PLXDC1: variants seen among roughly 807,000 people sequenced by gnomAD.
PLXDC1 encodes the protein plexin domain containing 1, also known as plexin domain-containing protein 1.
PLXDC1 carries 39 observed loss-of-function variants against 61.3 expected under a neutral mutation model. That is an observed-to-expected ratio of 0.64 (90% CI 0.49 to 0.83). The LOEUF is 0.83. PLXDC1 is among the 40% of genes least tolerant of loss of function. PLXDC1 has a pLI of 0.00. For missense variants in PLXDC1, 596 were observed against 666.5 expected (o/e 0.89, Z 1.17); for synonymous variants, 212 against 254.5 (o/e 0.83, Z 1.59).
Position 39,109,244 on chromosome 17 carries a change from T to C in PLXDC1, c.399+4A>G, listed in dbSNP as rs1342718152. 1.2e-6 allele frequency: 2 copies of C among 1,602,432 alleles called. No homozygotes were observed. The highest frequency in any genetic ancestry group is 1.7e-4 in the Middle Eastern group (1 of 5,976). Reference sequence around the variant, plus strand: ...GAAGCATGGCTGGCGACTGGGGCACTCACCGAAGCCTGCCGGTGGGTGTTG... The same window carrying C: ...GAAGCATGGCTGGCGACTGGGGCACCCACCGAAGCCTGCCGGTGGGTGTTG... On this transcript the variant is annotated splice_donor_region_variant and intron_variant, in intron 3 of 13. Transcript: ENST00000315392.
intron 7 of PLXDC1, among the ~76,000 whole-genome samples, chr17:39,095,388 A>C (rs5820279): frequency 0.31 from 1,739 of 5,604 alleles, 173 homozygotes; most frequent in Non-Finnish European, 0.4. Flanking sequence ...CCAACCCCCC[A>C]AGCCTGGGTT....
At position 39,090,709 on chromosome 17, in the gene PLXDC1, T is replaced by A. The variant is rs376708140; in HGVS notation, c.812-3007A>T. ...GCCCTCGAAGCATGTGAGCCCCTTT[T>A]CTCTCTGCCCCGACTGCTTTTTTGC... On this transcript the variant is annotated intron_variant, in intron 7 of 13. Coordinates refer to ENST00000315392, the MANE Select transcript of PLXDC1 (RefSeq NM_020405.5). Among the ~76,000 whole-genome samples the A allele has an allele frequency of 8.9e-4, 136 of 152,304 alleles. 1 individual carries two copies. Among genetic ancestry groups the A allele is most frequent in the African/African-American group, 3.1e-3 (127 of 41,546 alleles).
At position 39,151,471 on chromosome 17, in the gene PLXDC1, C is replaced by T. The variant is rs987369689; in HGVS notation, c.-34G>A. On this transcript the variant is annotated 5_prime_UTR_variant, in exon 1 of 14. Coordinates refer to ENST00000315392, the MANE Select transcript of PLXDC1 (RefSeq NM_020405.5). This position sits in a 1 kb window ranked among gnomAD's most constrained non-coding sequence, Gnocchi z 5.2. ...CCCGGACCTGCCCCCGGCCTGCTTG[C>T]TGCCCCGGTCCTGACGAGGGAGGGG... The T allele has an allele frequency of 1.2e-5, 15 of 1,244,484 alleles. No individual in the cohort carries two copies. The highest frequency in any genetic ancestry group is 6.0e-6 in the Non-Finnish European group (6 of 993,794). The allele number at this position is 1,244,484 out of a possible 1,614,324, so 77.1% of individuals were successfully genotyped here.
At chr17:39,090,024 C>T (rs1400401978) in intron 7 of PLXDC1, among the ~76,000 whole-genome samples, 1 of 152,138 alleles carries the variant, frequency 6.6e-6, no homozygotes, top group Non-Finnish European at 1.5e-5. Flanking sequence ...GTCCCAAACT[C>T]CTGACCTCAG....
rs528450588 is a variant in PLXDC1, at chr17:39,122,917, C to T, written c.256-13526G>A. On this transcript the variant is annotated intron_variant, in intron 2 of 13. Transcript: ENST00000315392. ...ATACACAAATCACATCAAAGTAAAGCCACATTGGGAGAAGGACAGAGAAGG... is the reference window on the plus strand; with the variant it reads ...ATACACAAATCACATCAAAGTAAAGTCACATTGGGAGAAGGACAGAGAAGG... 2.6e-5 allele frequency among the ~76,000 whole-genome samples: 4 copies of T among 152,284 alleles called. No individual in the cohort carries two copies. In the South Asian group the frequency reaches 8.3e-4, roughly 32 times the overall value.
rs911483445 is a variant in PLXDC1, at chr17:39,063,544, A to G, written c.*4296T>C. 2 of 702,280 alleles carry G rather than the reference A, an allele frequency of 2.8e-6. No homozygotes were observed. The highest frequency in any genetic ancestry group is 5.2e-6 in the Non-Finnish European group (2 of 384,746). 43.5% of individuals were successfully genotyped at this position (702,280 alleles called of 1,614,324 possible). A position where few individuals can be genotyped will look rare whatever the true frequency, so the allele number is the denominator to read the frequency against. The stretch of plus-strand genomic sequence containing the variant: ...TCGGAGTTCAGCAGCCATCAGAACC[A>G]AGGTATGTGTGGTGATCTTCGGAAT... On this transcript the variant is annotated 3_prime_UTR_variant, in exon 14 of 14. Coordinates refer to ENST00000315392, the MANE Select transcript of PLXDC1 (RefSeq NM_020405.5).
chr17:39,083,524 C>T lies in PLXDC1; in HGVS notation c.924G>A (p.Arg308=), dbSNP rs779890248. 6.2e-7 allele frequency: 1 copy of T among 1,613,026 alleles called. No homozygotes were observed. Among genetic ancestry groups the T allele is most frequent in the Non-Finnish European group, 8.5e-7 (1 of 1,179,524 alleles). The change falls in exon 9 of 14, where the codon AGG becomes AGA. Residue 308 remains arginine, a synonymous_variant. Coordinates refer to ENST00000315392, the MANE Select transcript of PLXDC1 (RefSeq NM_020405.5). ...CTGAGGACATGCAGGCGTCACAGCT[C>T]CTATGCTGCAGGCAGGCTGCAAGAG... is the stretch of plus-strand genomic sequence containing the variant. ...FTPLPTCLQH[R]SCDACMSSDL...
chr17:39,069,128 A>T (rs943179642), intron 13 of PLXDC1, among the ~76,000 whole-genome samples: 2 of 152,102 alleles, frequency 1.3e-5, no homozygotes, highest in African/African-American at 4.8e-5. Context: ...TATTTTAGAG[A>T]TGGGGTCTCC....
intron 12 of PLXDC1, 145 bp downstream of exon 12, chr17:39,072,305 C>G: frequency 1.5e-6 from 1 of 675,410 alleles, no homozygotes; most frequent in Non-Finnish European, 2.7e-6. Context: ...TGCCTCCCCA[C>G]CCAGCAGGAG....
At chr17:39,143,296 C>T (rs1402782321) in intron 1 of PLXDC1, among the ~76,000 whole-genome samples, 1 of 152,162 alleles carries the variant, frequency 6.6e-6, no homozygotes, top group Non-Finnish European at 1.5e-5. Flanking sequence ...ACATTCCCCA[C>T]CTATGACCCT....
chr17:39,121,905 T>C (rs569940240), intron 2 of PLXDC1, among the ~76,000 whole-genome samples: 2 of 151,780 alleles, frequency 1.3e-5, no homozygotes, highest in African/African-American at 4.8e-5. Context: ...GAGACCAGCC[T>C]GGCCAACATG....
In PLXDC1 at chr17:39,109,287, C is replaced by T. The variant is rs868605101; in HGVS notation, c.360G>A (p.Lys120=). 3.1e-6 allele frequency: 5 copies of T among 1,613,058 alleles called. No homozygotes were observed. Among genetic ancestry groups the T allele is most frequent in the Non-Finnish European group, 4.2e-6 (5 of 1,179,820 alleles). The change falls in exon 3 of 14, where the codon AAG becomes AAA. Residue 120 remains lysine, a synonymous_variant. Transcript: ENST00000315392. ...DVAEANRSQV[K]IHTILSNTHR... ...GGGTGTTGGAGAGTATTGTGTGGAT[C>T]TTCACTTGGCTCCGGTTGGCCTCGG...
At chr17:39,116,559 A>C (rs1045481832) in intron 2 of PLXDC1, among the ~76,000 whole-genome samples, 1 of 152,204 alleles carries the variant, frequency 6.6e-6, no homozygotes, top group Non-Finnish European at 1.5e-5. Flanking sequence ...TCCTCTGGGA[A>C]TCCAAGCCCA....
In PLXDC1 at chr17:39,151,532, G is replaced by C. The variant is rs2045372669; in HGVS notation, c.-95C>G. 3.3e-6 allele frequency: 4 copies of C among 1,219,858 alleles called. No individual in the cohort carries two copies. Among genetic ancestry groups the C allele is most frequent in the Non-Finnish European group, 3.1e-6 (3 of 980,358 alleles). 75.6% of individuals were successfully genotyped at this position (1,219,858 alleles called of 1,614,324 possible). A position where few individuals can be genotyped will look rare whatever the true frequency, so the allele number is the denominator to read the frequency against. ...AGGCTGCGGCCGCGCGGTCCCCGGG[G>C]CTGGCGGAGGGGCGGGCGGCGAGGA... On this transcript the variant is annotated 5_prime_UTR_variant, in exon 1 of 14. Transcript: ENST00000315392. The surrounding 1 kb of genome is among the most constrained non-coding windows in gnomAD (Gnocchi z 5.2).
chr17:39,140,909 G>A (rs1911916648), intron 1 of PLXDC1, among the ~76,000 whole-genome samples: 1 of 152,116 alleles, frequency 6.6e-6, no homozygotes, highest in Non-Finnish European at 1.5e-5. Flanking sequence ...GTACAATTCA[G>A]TAACATTAAA....
At chr17:39,104,943 C>T (rs942980054) in intron 7 of PLXDC1, among the ~76,000 whole-genome samples, 3 of 152,188 alleles carry the variant, frequency 2.0e-5, no homozygotes, top group African/African-American at 7.2e-5. Context: ...AATGATGCCT[C>T]CCCCGGGAAG....
intron 1 of PLXDC1, among the ~76,000 whole-genome samples, chr17:39,140,274 G>C (rs1017945804): frequency 2.6e-5 from 4 of 152,110 alleles, no homozygotes; most frequent in African/African-American, 9.7e-5. Context: ...TCTTGTAACT[G>C]GTCTATGGTG....
chr17:39,137,214 C>T (rs1474683619), intron 2 of PLXDC1, among the ~76,000 whole-genome samples: 2 of 152,160 alleles, frequency 1.3e-5, no homozygotes, highest in African/African-American at 4.8e-5. Context: ...AACAGTGAAT[C>T]AGAAGCCAGA....
At chr17:39,110,731 C>G (rs1910768563) in intron 2 of PLXDC1, among the ~76,000 whole-genome samples, 1 of 152,240 alleles carries the variant, frequency 6.6e-6, no homozygotes, top group African/African-American at 2.4e-5. Context: ...CGGCCCTTGC[C>G]CTGGGCGCAG....
Sources: allele counts gnomAD v4.1 joint callset (sites outside exome capture counted in the v4.1 genomes callset), GRCh38; gene constraint gnomAD v4.1.1; non-coding constraint Gnocchi (gnomAD v3.1); transcripts MANE v1.5; gene names NCBI Gene and HGNC (gene_info 2026-07-23, HGNC 2026-07-21).